MALRD1: variants seen among roughly 807,000 people sequenced by gnomAD.
MALRD1 encodes the protein MAM and LDL receptor class A domain containing 1, also known as MAM and LDL-receptor class A domain-containing protein 1.
Under a neutral mutation model 242.1 loss-of-function variants are expected in MALRD1, and 247 were observed. That is an observed-to-expected ratio of 1.02 (90% CI 0.92 to 1.13). The LOEUF (loss-of-function observed/expected upper bound fraction) is 1.13, where lower values mean the gene tolerates loss of function less well. Among genes scored for constraint, MALRD1 ranks in the 50% most tolerant of loss-of-function variants. The pLI, the probability that MALRD1 is intolerant of heterozygous loss-of-function variation, is 0.00. For synonymous variants in MALRD1, 995 were observed against 866.6 expected, an observed-to-expected ratio of 1.15 and a Z score of -2.60; for missense variants, 2,989 against 2,533.1, an observed-to-expected ratio of 1.18 and a Z score of -3.86.
At chr10:19,067,479 C>T (rs1430830739) in intron 2 of MALRD1, among the ~76,000 whole-genome samples, 1 of 152,084 alleles carries the variant, frequency 6.6e-6, no homozygotes, top group Admixed American at 6.6e-5. Context: ...TAACACATTT[C>T]CTTGCATAAC....
chr10:19,165,891 A>G (rs1834667474), intron 13 of MALRD1, 81 bp downstream of exon 13: 9 of 1,044,272 alleles, frequency 8.6e-6, no homozygotes, highest in Middle Eastern at 3.5e-4. Flanking sequence ...TATAACACAC[A>G]TAGCTCATAC....
At chr10:19,605,681 C>T (rs1037021180) in intron 34 of MALRD1, among the ~76,000 whole-genome samples, 1 of 151,840 alleles carries the variant, frequency 6.6e-6, no homozygotes, top group African/African-American at 2.4e-5. Flanking sequence ...TGGTCTTGAC[C>T]TTCAGCCTTT....
At chr10:19,315,051 T>C (rs1842590918) in intron 21 of MALRD1, among the ~76,000 whole-genome samples, 1 of 143,940 alleles carries the variant, frequency 6.9e-6, no homozygotes, top group Admixed American at 7.2e-5. Flanking sequence ...AATATGTAAA[T>C]ATAATTTATA....
chr10:19,175,571 T>C (rs1190744705), intron 14 of MALRD1, among the ~76,000 whole-genome samples: 1 of 150,780 alleles, frequency 6.6e-6, no homozygotes, highest in Non-Finnish European at 1.5e-5. Flanking sequence ...AATTATTGCA[T>C]CCAAATATTT....
intron 19 of MALRD1, among the ~76,000 whole-genome samples, chr10:19,272,598 G>A (rs1840302784): frequency 6.6e-6 from 1 of 152,114 alleles, no homozygotes; most frequent in South Asian, 2.1e-4. Context: ...CATGTGCCAT[G>A]GTGGTTTGCT....
At chr10:19,207,139 T>A (rs1471617943) in intron 17 of MALRD1, among the ~76,000 whole-genome samples, 1 of 152,160 alleles carries the variant, frequency 6.6e-6, no homozygotes, top group African/African-American at 2.4e-5. Flanking sequence ...ACTTTTGGCA[T>A]CAAGTGTCAT....
At chr10:19,171,457 T>TATATATATATACACACAC (rs1166665866) in intron 13 of MALRD1, among the ~76,000 whole-genome samples, 10 of 74,552 alleles carry the variant, frequency 1.3e-4, no homozygotes, top group African/African-American at 4.2e-4. Flanking sequence ...TATATATATA[T>TATATATATATACACACAC]ACACACATGT....
intron 7 of MALRD1, among the ~76,000 whole-genome samples, chr10:19,125,766 T>C (rs1431286834): frequency 1.3e-5 from 2 of 152,134 alleles, no homozygotes; most frequent in South Asian, 4.1e-4. Context: ...TGGTCCTGAG[T>C]TACAGTTGAA....
chr10:19,667,001 T>A (rs1332741621), intron 36 of MALRD1, among the ~76,000 whole-genome samples: 1 of 152,122 alleles, frequency 6.6e-6, no homozygotes, highest in Admixed American at 6.6e-5. Flanking sequence ...AGAGGTAACC[T>A]ACACCTCACA....
At chr10:19,350,269 T>C (rs1212195757) in intron 25 of MALRD1, among the ~76,000 whole-genome samples, 2 of 116,330 alleles carry the variant, frequency 1.7e-5, no homozygotes, top group South Asian at 5.2e-4. Flanking sequence ...TTTTCTTTTT[T>C]TCTTTTTTTT....
rs558142949 is a variant in MALRD1 at position 19,398,187 on chromosome 10, T to TTTGC, written c.4845+8581_4845+8584dup. ...TTTGGTGCAATCTCATTTGTCTATT[T>TTTGC]TTGCTTTTGTTGTCTGTGAATTTGA... On this transcript the variant is annotated intron_variant, in intron 28 of 39. Coordinates refer to ENST00000454679, the MANE Select transcript of MALRD1 (RefSeq NM_001142308.3). Among the ~76,000 whole-genome samples the TTTGC allele has an allele frequency of 3.3e-3, 506 of 152,232 alleles. 4 individuals are homozygous for TTTGC. Among genetic ancestry groups the TTTGC allele is most frequent in the African/African-American group, 0.012 (490 of 41,556 alleles).
intron 18 of MALRD1, among the ~76,000 whole-genome samples, chr10:19,228,929 G>A (rs373064869): frequency 6.5e-4 from 99 of 151,946 alleles, no homozygotes; most frequent in African/African-American, 2.2e-3. Flanking sequence ...AAAATAAAAT[G>A]CAATTATTTA....
intron 30 of MALRD1, among the ~76,000 whole-genome samples, chr10:19,495,698 A>T (rs1212425586): frequency 6.6e-6 from 1 of 152,186 alleles, no homozygotes; most frequent in East Asian, 1.9e-4. Flanking sequence ...TAATGACATG[A>T]TGACAGGATT....
At chr10:19,624,896 A>G (rs1017161719) in intron 36 of MALRD1, among the ~76,000 whole-genome samples, 1 of 151,610 alleles carries the variant, frequency 6.6e-6, no homozygotes, top group Admixed American at 6.6e-5. Flanking sequence ...AAAAAAAAAA[A>G]AAAGATCGGG....
chr10:19,430,435 C>A (rs1834082269), intron 28 of MALRD1, among the ~76,000 whole-genome samples: 1 of 151,862 alleles, frequency 6.6e-6, no homozygotes, highest in Admixed American at 6.6e-5. Flanking sequence ...TCTTTATGCT[C>A]TTGCTGGTAT....
chr10:19,446,098 A>T (rs1834963383), intron 28 of MALRD1, among the ~76,000 whole-genome samples: 2 of 152,196 alleles, frequency 1.3e-5, no homozygotes, highest in African/African-American at 4.8e-5. Flanking sequence ...GGCGTGGGAT[A>T]TAATTTCCTG....
chr10:19,562,445 C>A (rs1206711815), intron 32 of MALRD1, among the ~76,000 whole-genome samples: 3 of 152,154 alleles, frequency 2.0e-5, no homozygotes, highest in Admixed American at 6.5e-5. Context: ...CTCCCCTCAA[C>A]CTTCAGAGTA....
chr10:19,550,109 G>A (rs527338423), intron 32 of MALRD1, among the ~76,000 whole-genome samples: 1 of 152,110 alleles, frequency 6.6e-6, no homozygotes, highest in Admixed American at 6.6e-5. Flanking sequence ...AGTAAGAAAG[G>A]TGAAAAAAAG....
intron 28 of MALRD1, among the ~76,000 whole-genome samples, chr10:19,419,118 C>T (rs1833620755): frequency 6.6e-6 from 1 of 152,170 alleles, no homozygotes; most frequent in Non-Finnish European, 1.5e-5. Context: ...CATCCTTTGC[C>T]ACCTGACTCC....
Sources: gnomAD v4.1 joint callset for allele counts (sites outside exome capture counted in the v4.1 genomes callset) on GRCh38, gnomAD v4.1.1 for gene constraint, MANE v1.5 for transcripts, NCBI Gene and HGNC (gene_info 2026-07-23, HGNC 2026-07-21) for gene names.